MAGI2: variants seen among roughly 807,000 people sequenced by gnomAD.
MAGI2 encodes membrane associated guanylate kinase, WW and PDZ domain containing 2.
In MAGI2, 35 loss-of-function variants were observed where a neutral mutation model predicts 133.3. The ratio of observed to expected loss-of-function variants is 0.26; its 90% CI spans 0.20 to 0.35. The LOEUF is 0.35. MAGI2 is among the 10% of genes least tolerant of loss of function. The probability of loss-of-function intolerance (pLI) is 1.00; values close to 1 mark genes in which losing one functional copy is unlikely to be tolerated. For synonymous variants in MAGI2, 729 were observed against 710.6 expected (o/e 1.03, Z -0.41); for missense variants, 1,636 against 1,863.4 (o/e 0.88, Z 2.25).
chr7:78,725,398 G>A (rs370346566), intron 2 of MAGI2, among the ~76,000 whole-genome samples: 1 of 152,154 alleles, frequency 6.6e-6, no homozygotes, highest in Non-Finnish European at 1.5e-5. Context: ...ACCTTCCATT[G>A]TACTTTTTAA....
At chr7:78,858,209 G>A (rs1004523877) in intron 2 of MAGI2, among the ~76,000 whole-genome samples, 1 of 152,052 alleles carries the variant, frequency 6.6e-6, no homozygotes, top group Non-Finnish European at 1.5e-5. Flanking sequence ...CCAGCTCCTG[G>A]ATTCATTGAT....
chr7:78,153,235 A>G (rs1042710378), intron 16 of MAGI2, among the ~76,000 whole-genome samples: 2 of 152,208 alleles, frequency 1.3e-5, no homozygotes, highest in Admixed American at 6.5e-5. Flanking sequence ...AATCCCAATA[A>G]AACCTAAAAT....
chr7:79,312,324 G>A (rs1042380582), intron 1 of MAGI2, among the ~76,000 whole-genome samples: 9 of 152,078 alleles, frequency 5.9e-5, no homozygotes, highest in Admixed American at 6.6e-5. Context: ...CCAATTCTTC[G>A]TCTCAGTAGG....
intron 1 of MAGI2, among the ~76,000 whole-genome samples, chr7:79,394,146 T>TA (rs1844873983): frequency 6.6e-6 from 1 of 152,170 alleles, no homozygotes; most frequent in Admixed American, 6.5e-5. Flanking sequence ...CACCTGGTTC[T>TA]ATGCAGACTC....
intron 2 of MAGI2, among the ~76,000 whole-genome samples, chr7:78,681,268 A>G (rs1815624994): frequency 6.6e-6 from 1 of 152,106 alleles, no homozygotes; most frequent in African/African-American, 2.4e-5. Flanking sequence ...GCCAGAACCA[A>G]TCAGTTTGTA....
At chr7:78,588,210 T>A (rs895929319) in intron 3 of MAGI2, among the ~76,000 whole-genome samples, 1 of 152,246 alleles carries the variant, frequency 6.6e-6, no homozygotes, top group African/African-American at 2.4e-5. Flanking sequence ...ATCTTTGTTA[T>A]GTGACAATTA....
chr7:78,134,974 T>G (rs751170910), intron 17 of MAGI2, 47 bp downstream of exon 17: 2 of 1,557,462 alleles, frequency 1.3e-6, no homozygotes, highest in Admixed American at 1.7e-5. Flanking sequence ...CCGGTGAGTG[T>G]GTCCATGTGT....
chr7:78,086,753 G>GC (rs1300041168), intron 20 of MAGI2, among the ~76,000 whole-genome samples: 1 of 151,546 alleles, frequency 6.6e-6, no homozygotes, highest in African/African-American at 2.4e-5. Flanking sequence ...TCCTGCCTCA[G>GC]CCCCCCAAGT....
In MAGI2 at chr7:78,342,272, T is replaced by C. The variant is rs193193671; in HGVS notation, c.1408+1506A>G. The stretch of plus-strand genomic sequence containing the variant: ...ACAATGAGATACCATCTCATGCCAG[T>C]TAGAATGGTGATCATTAAAAAGTCA... On this transcript the variant is annotated intron_variant, in intron 9 of 21. Coordinates refer to ENST00000354212, the MANE Select transcript of MAGI2 (RefSeq NM_012301.4). Among the ~76,000 whole-genome samples, 562 of 152,258 alleles carry C rather than the reference T, an allele frequency of 3.7e-3. 4 individuals carry two copies. The highest frequency in any genetic ancestry group is 0.013 in the African/African-American group (546 of 41,542).
intron 6 of MAGI2, among the ~76,000 whole-genome samples, chr7:78,479,878 AC>A: frequency 6.6e-6 from 1 of 151,938 alleles, no homozygotes; most frequent in Admixed American, 6.6e-5. Flanking sequence ...TTCTCTTGAA[AC>A]AAAAAATCTC....
chr7:78,712,266 A>G (rs1050272523), intron 2 of MAGI2, among the ~76,000 whole-genome samples: 8 of 152,336 alleles, frequency 5.3e-5, no homozygotes, highest in African/African-American at 9.6e-5. Context: ...ATGACTAGAT[A>G]AAGTTTGTTC....
rs138004744 is a variant in MAGI2, at chr7:78,462,392, T to C, written c.1045+27369A>G. On this transcript the variant is annotated intron_variant, in intron 6 of 21. Transcript: ENST00000354212. Reference sequence around the variant, plus strand: ...GACAATGAAAAATGTATCGCTATTCTGAAATAAACTTCACATTCTCTTGAT... The same window carrying C: ...GACAATGAAAAATGTATCGCTATTCCGAAATAAACTTCACATTCTCTTGAT... Among the ~76,000 whole-genome samples the C allele has an allele frequency of 6.7e-4, 102 of 152,338 alleles. 1 individual carries two copies. Among genetic ancestry groups the C allele is most frequent in the African/African-American group, 2.4e-3 (100 of 41,588 alleles).
chr7:78,721,523 C>T lies in MAGI2; in HGVS notation c.419-94284G>A, dbSNP rs183343953. On this transcript the variant is annotated intron_variant, in intron 2 of 21. Transcript: ENST00000354212. ...ATCCCCTTATCACAGAGGCAGGTCC[C>T]GGGTAGATGCAGAATTTTGAAAGGA... 4.7e-4 allele frequency among the ~76,000 whole-genome samples: 71 copies of T among 152,016 alleles called. 2 individuals carry two copies. Among genetic ancestry groups the T allele is most frequent in the Admixed American group, 4.2e-3 (64 of 15,266 alleles).
intron 1 of MAGI2, among the ~76,000 whole-genome samples, chr7:79,426,298 C>T (rs142923520): frequency 1.4e-3 from 216 of 151,762 alleles, no homozygotes; most frequent in African/African-American, 5.0e-3. Context: ...TCACATTCTC[C>T]TCCCTATCTT....
intron 14 of MAGI2, among the ~76,000 whole-genome samples, chr7:78,173,371 A>G (rs1303531934): frequency 6.6e-6 from 1 of 152,212 alleles, no homozygotes; most frequent in Non-Finnish European, 1.5e-5. Context: ...AGCCAAGACT[A>G]TTCCCTCCCT....
intron 2 of MAGI2, among the ~76,000 whole-genome samples, chr7:78,670,128 A>G (rs1407280366): frequency 6.6e-6 from 1 of 151,782 alleles, no homozygotes; most frequent in East Asian, 1.9e-4. Flanking sequence ...GAGGAAGTCA[A>G]ATTGTCCCTG....
chr7:78,432,827 T>C (rs1799928810), intron 6 of MAGI2, among the ~76,000 whole-genome samples: 2 of 152,046 alleles, frequency 1.3e-5, no homozygotes, highest in Non-Finnish European at 2.9e-5. Context: ...ACCTACTTAA[T>C]ATGCATATAT....
chr7:78,787,189 G>A (rs1826903181), intron 2 of MAGI2, among the ~76,000 whole-genome samples: 1 of 152,004 alleles, frequency 6.6e-6, no homozygotes, highest in Non-Finnish European at 1.5e-5. Flanking sequence ...CTCATGATCT[G>A]CCCGCCTTGG....
chr7:78,363,270 G>C (rs966141045), intron 7 of MAGI2, among the ~76,000 whole-genome samples: 1 of 152,146 alleles, frequency 6.6e-6, no homozygotes, highest in Non-Finnish European at 1.5e-5. Context: ...GAGGTGGGCG[G>C]ATCACGAGGT....
Sources: gnomAD v4.1 joint callset for allele counts (sites outside exome capture counted in the v4.1 genomes callset) on GRCh38, gnomAD v4.1.1 for gene constraint, MANE v1.5 for transcripts, NCBI Gene and HGNC (gene_info 2026-07-23, HGNC 2026-07-21) for gene names.